The following SPPL3 variants were observed in gnomAD, a reference collection of about 807,000 sequenced individuals.
SPPL3 encodes the protein signal peptide peptidase-like 3.
A neutral mutation model predicts 42.4 loss-of-function variants in SPPL3; 5 were observed. The observed-to-expected ratio is 0.12, with a 90% confidence interval of 0.06 to 0.25. The LOEUF (loss-of-function observed/expected upper bound fraction) is 0.25. Ranked by LOEUF, SPPL3 falls within the 10% of genes least tolerant of loss-of-function variation. The pLI, the probability that SPPL3 is intolerant of heterozygous loss-of-function variation, is 1.00. For synonymous variants in SPPL3, 195 were observed against 181.8 expected, an observed-to-expected ratio of 1.07 and a Z score of -0.58; for missense variants, 235 against 489.0, an observed-to-expected ratio of 0.48 and a Z score of 4.90.
intron 6 of SPPL3, among the ~76,000 whole-genome samples, chr12:120,772,620 T>C (rs1019797924): frequency 1.3e-5 from 2 of 152,222 alleles, no homozygotes; most frequent in South Asian, 2.1e-4. Context: ...TTCATTTTCA[T>C]AGAACTGGTG....
chr12:120,844,233 A>T (rs1410318179), intron 1 of SPPL3, among the ~76,000 whole-genome samples: 1 of 152,176 alleles, frequency 6.6e-6, no homozygotes, highest in Non-Finnish European at 1.5e-5. Flanking sequence ...GGCAAAATCT[A>T]CAGCACAAGT....
intron 6 of SPPL3, among the ~76,000 whole-genome samples, chr12:120,781,423 A>G (rs1420690643): frequency 2.0e-5 from 3 of 152,190 alleles, no homozygotes; most frequent in East Asian, 3.9e-4. Context: ...TTATATCATT[A>G]AAGTGTATGA....
chr12:120,798,956 G>A lies in SPPL3; in HGVS notation c.102-7399C>T, dbSNP rs139060943. On this transcript the variant is annotated intron_variant, in intron 2 of 10. Coordinates refer to ENST00000353487, the MANE Select transcript of SPPL3 (RefSeq NM_139015.5). ...GAATAGGTGCTGAGAACCCCCCGCG[G>A]GACAGGATGAAGGGTTATATAACTC... is the stretch of plus-strand genomic sequence containing the variant. 3.4e-3 allele frequency among the ~76,000 whole-genome samples: 513 copies of A among 152,178 alleles called. 3 individuals carry two copies. Among genetic ancestry groups the A allele is most frequent in the African/African-American group, 0.012 (497 of 41,498 alleles).
chr12:120,765,474 G>GA (rs1868852909), intron 10 of SPPL3, among the ~76,000 whole-genome samples: 1 of 150,124 alleles, frequency 6.7e-6, no homozygotes, highest in South Asian at 2.1e-4. Flanking sequence ...TTTTAGTAGA[G>GA]ACAGGGTTTC....
intron 5 of SPPL3, among the ~76,000 whole-genome samples, chr12:120,783,050 T>C (rs1434386041): frequency 2.0e-5 from 3 of 152,148 alleles, no homozygotes; most frequent in Admixed American, 6.6e-5. Flanking sequence ...ATGGAGGAAA[T>C]TCTATTCTTA....
intron 1 of SPPL3, among the ~76,000 whole-genome samples, chr12:120,826,652 A>G (rs1871239294): frequency 6.6e-6 from 1 of 152,186 alleles, no homozygotes; most frequent in Non-Finnish European, 1.5e-5. Flanking sequence ...GGCCTTAGCA[A>G]TAAGAAGAAT....
rs138183821 is a variant in SPPL3 at position 120,793,180 on chromosome 12, C to T, written c.102-1623G>A. 2.0e-4 allele frequency among the ~76,000 whole-genome samples: 31 copies of T among 152,298 alleles called. No individual in the cohort carries two copies. The East Asian group carries it at 6.0e-3, about 29-fold the overall frequency. On this transcript the variant is annotated intron_variant, in intron 2 of 10. Coordinates refer to ENST00000353487, the MANE Select transcript of SPPL3 (RefSeq NM_139015.5). Reference sequence around the variant, plus strand: ...GCCAATGAGCCCATGAAAAGATGTTCAACACCGTTAGTCATCAGGGAAATA... The same window carrying T: ...GCCAATGAGCCCATGAAAAGATGTTTAACACCGTTAGTCATCAGGGAAATA...
chr12:120,866,130 T>C (rs1420186054), intron 1 of SPPL3, among the ~76,000 whole-genome samples: 2 of 151,510 alleles, frequency 1.3e-5, no homozygotes, highest in Non-Finnish European at 2.9e-5. Flanking sequence ...TTATATTTCA[T>C]TATATATTAC....
chr12:120,888,403 G>A (rs189976635), intron 1 of SPPL3, among the ~76,000 whole-genome samples: 20 of 152,108 alleles, frequency 1.3e-4, no homozygotes, highest in Non-Finnish European at 1.8e-4. Context: ...GCCAAAATGC[G>A]GAAACTACCC....
intron 1 of SPPL3, among the ~76,000 whole-genome samples, chr12:120,834,381 G>A (rs750737524): frequency 1.3e-5 from 2 of 152,108 alleles, no homozygotes; most frequent in Non-Finnish European, 2.9e-5. Context: ...CTCCAACAGG[G>A]GTTGGAGTGG....
At chr12:120,887,826 C>T (rs1252394234) in intron 1 of SPPL3, among the ~76,000 whole-genome samples, 1 of 152,156 alleles carries the variant, frequency 6.6e-6, no homozygotes, top group Non-Finnish European at 1.5e-5. Flanking sequence ...TGACTTTACA[C>T]TCACTAGGAT....
At chr12:120,889,062 C>G (rs2137063931) in intron 1 of SPPL3, among the ~76,000 whole-genome samples, 1 of 152,220 alleles carries the variant, frequency 6.6e-6, no homozygotes, top group African/African-American at 2.4e-5. Flanking sequence ...GAACTGCCCA[C>G]CTCAGCCTCC....
At chr12:120,851,685 C>T (rs527503071) in intron 1 of SPPL3, among the ~76,000 whole-genome samples, 3 of 152,048 alleles carry the variant, frequency 2.0e-5, no homozygotes, top group Non-Finnish European at 4.4e-5. Flanking sequence ...CTGACTGGAG[C>T]CTTGACCTCC....
intron 1 of SPPL3, among the ~76,000 whole-genome samples, chr12:120,866,094 A>G (rs771969059): frequency 6.6e-6 from 1 of 152,230 alleles, no homozygotes; most frequent in Non-Finnish European, 1.5e-5. Flanking sequence ...GCTCCCACTG[A>G]TTCTCCATTA....
intron 1 of SPPL3, among the ~76,000 whole-genome samples, chr12:120,879,479 C>T (rs1036617739): frequency 1.3e-5 from 2 of 152,104 alleles, no homozygotes; most frequent in African/African-American, 4.8e-5. Flanking sequence ...ATTGTTAACA[C>T]GCTGAGCAAA....
At chr12:120,859,796 A>T in intron 1 of SPPL3, among the ~76,000 whole-genome samples, 1 of 152,132 alleles carries the variant, frequency 6.6e-6, no homozygotes, top group Admixed American at 6.5e-5. Context: ...ATACAAAATT[A>T]GCTGGGGATG....
intron 2 of SPPL3, among the ~76,000 whole-genome samples, chr12:120,802,429 A>ATG (rs1386437409): frequency 9.4e-6 from 1 of 106,738 alleles, no homozygotes. Flanking sequence ...ATATATATAT[A>ATG]TATTTTTTTT....
chr12:120,860,712 G>A (rs994946810), intron 1 of SPPL3, among the ~76,000 whole-genome samples: 10 of 152,260 alleles, frequency 6.6e-5, no homozygotes, highest in African/African-American at 2.4e-4. Flanking sequence ...AGGGAGAGAG[G>A]AAGGAGAAAT....
At position 120,903,837 on chromosome 12, in the gene SPPL3, G is replaced by A. The variant is rs373570995; in HGVS notation, c.23+8C>T. ...CCGCCTCCCGGCCTCCCGGAGCCCC[G>A]CACTCACCACGAGTAGGTCTGCTCC... On this transcript the variant is annotated splice_region_variant and intron_variant, in intron 1 of 10. Transcript: ENST00000353487. The A allele has an allele frequency of 1.4e-4, 201 of 1,405,960 alleles. 1 individual carries two copies. The African/African-American group carries it at 2.5e-3, about 17-fold the overall frequency. The allele number at this position is 1,405,960 out of a possible 1,614,324, so 87.1% of individuals were successfully genotyped here. A position where few individuals can be genotyped will look rare whatever the true frequency, so the allele number is the denominator to read the frequency against.
Sources: allele counts gnomAD v4.1 joint callset (sites outside exome capture counted in the v4.1 genomes callset), GRCh38; gene constraint gnomAD v4.1.1; transcripts MANE v1.5; gene names NCBI Gene and HGNC (gene_info 2026-07-23, HGNC 2026-07-21).